The following NECAB1 variants were observed in gnomAD, a reference collection of about 807,000 sequenced individuals.
NECAB1 encodes the protein N-terminal EF-hand calcium binding protein 1, also known as N-terminal EF-hand calcium-binding protein 1.
Under a neutral mutation model 57.5 loss-of-function variants are expected in NECAB1, and 29 were observed. The ratio of observed to expected loss-of-function variants is 0.50; its 90% CI spans 0.38 to 0.69. The LOEUF is 0.69. Among genes scored for constraint, NECAB1 ranks in the 30% least tolerant of loss-of-function variants. The pLI, the probability that NECAB1 is intolerant of heterozygous loss-of-function variation, is 0.00. For missense variants in NECAB1, 372 were observed against 413.8 expected (o/e 0.90, Z 0.88); for synonymous variants, 142 against 147.7 (o/e 0.96, Z 0.28).
chr8:90,832,838 C>G (rs139400250), intron 3 of NECAB1, among the ~76,000 whole-genome samples: 1 of 152,116 alleles, frequency 6.6e-6, no homozygotes, highest in Non-Finnish European at 1.5e-5. Context: ...AACCCAAGCT[C>G]TTTCCATTGC....
intron 3 of NECAB1, among the ~76,000 whole-genome samples, chr8:90,839,258 A>T (rs1660516337): frequency 6.6e-6 from 1 of 152,344 alleles, no homozygotes; most frequent in East Asian, 1.9e-4. Context: ...AAGAGGATCC[A>T]GGAGATTAGG....
chr8:90,792,132 A>G (rs1811585988), intron 1 of NECAB1, 147 bp downstream of exon 1: 1 of 659,886 alleles, frequency 1.5e-6, no homozygotes, highest in African/African-American at 1.8e-5. Flanking sequence ...AGGAGGAACG[A>G]CTGTCCCTTA....
chr8:90,949,925 G>A (rs777466663), intron 11 of NECAB1, 41 bp downstream of exon 11: 6 of 1,250,510 alleles, frequency 4.8e-6, no homozygotes, highest in Middle Eastern at 1.9e-4. Context: ...AAGCCAGGAA[G>A]GTGGCAATAT....
intron 9 of NECAB1, among the ~76,000 whole-genome samples, chr8:90,938,294 A>G (rs1420413575): frequency 6.6e-6 from 1 of 152,218 alleles, no homozygotes; most frequent in Non-Finnish European, 1.5e-5. Flanking sequence ...TAAATGATAA[A>G]TGATATACTA....
chr8:90,935,975 T>C (rs959019293), intron 9 of NECAB1, among the ~76,000 whole-genome samples: 4 of 152,162 alleles, frequency 2.6e-5, no homozygotes, highest in Admixed American at 1.3e-4. Context: ...ATAGCAATTA[T>C]GCTCTTTGGG....
intron 5 of NECAB1, chr8:90,903,836 T>C (rs2740801): frequency 0.53 from 80,271 of 152,058 alleles, 24,740 homozygotes; most frequent in African/African-American, 0.83. Context: ...CAGTAGGAAG[T>C]GGCTTTAATT....
At chr8:90,915,986 C>T (rs1809941890) in intron 5 of NECAB1, among the ~76,000 whole-genome samples, 1 of 152,318 alleles carries the variant, frequency 6.6e-6, no homozygotes, top group Middle Eastern at 3.4e-3. Context: ...TTGGTACCCA[C>T]CCAGATTGAG....
At chr8:90,947,441 C>T (rs1470736856) in intron 10 of NECAB1, among the ~76,000 whole-genome samples, 3 of 149,842 alleles carry the variant, frequency 2.0e-5, no homozygotes, top group East Asian at 2.0e-4. Flanking sequence ...CGCTCTGTTG[C>T]CCAGGCTGGA....
chr8:90,902,224 A>G (rs1458923964), intron 5 of NECAB1, among the ~76,000 whole-genome samples: 2 of 152,198 alleles, frequency 1.3e-5, no homozygotes, highest in African/African-American at 4.8e-5. Context: ...GTTTGAGACC[A>G]GCCTGGACAA....
In NECAB1 at chr8:90,957,771, G is replaced by A. The variant is rs749804562; in HGVS notation, c.*2259G>A. ...TCCTAAAGTAAACAATAAGTTTATA[G>A]TTAACGAAGATTTTTTTCTATTTAA... On this transcript the variant is annotated 3_prime_UTR_variant, in exon 13 of 13. Coordinates refer to ENST00000417640, the MANE Select transcript of NECAB1 (RefSeq NM_022351.5). 6.7e-6 allele frequency: 1 copy of A among 149,558 alleles called. No individual in the cohort carries two copies. Among genetic ancestry groups the A allele is most frequent in the Non-Finnish European group, 1.5e-5 (1 of 67,294 alleles). The allele number at this position is 149,558 out of a possible 1,614,324, so 9.3% of individuals were successfully genotyped here.
chr8:90,885,649 T>C (rs376826049), intron 5 of NECAB1, among the ~76,000 whole-genome samples: 1 of 152,208 alleles, frequency 6.6e-6, no homozygotes, highest in East Asian at 1.9e-4. Flanking sequence ...AGTTGATTTA[T>C]CAATATCCTA....
intron 3 of NECAB1, among the ~76,000 whole-genome samples, chr8:90,840,623 T>C (rs1812438351): frequency 6.6e-6 from 1 of 152,148 alleles, no homozygotes; most frequent in South Asian, 2.1e-4. Flanking sequence ...GGCAAGAAAA[T>C]TGTAAAAACG....
At chr8:90,861,494 C>G (rs1348669876) in intron 3 of NECAB1, among the ~76,000 whole-genome samples, 1 of 152,106 alleles carries the variant, frequency 6.6e-6, no homozygotes, top group Non-Finnish European at 1.5e-5. Flanking sequence ...GCAACACCGT[C>G]CTCTCCTGAT....
intron 5 of NECAB1, among the ~76,000 whole-genome samples, chr8:90,887,736 G>A (rs1809041375): frequency 6.6e-6 from 1 of 152,194 alleles, no homozygotes; most frequent in South Asian, 2.1e-4. Flanking sequence ...CAGCTATGAA[G>A]CCTAGTTCCA....
intron 8 of NECAB1, among the ~76,000 whole-genome samples, chr8:90,933,075 T>C (rs1810448595): frequency 6.6e-6 from 1 of 152,120 alleles, no homozygotes; most frequent in Non-Finnish European, 1.5e-5. Context: ...AATTAAAAAA[T>C]AATAGATGTT....
intron 2 of NECAB1, among the ~76,000 whole-genome samples, chr8:90,802,421 A>G (rs1229073437): frequency 1.3e-5 from 2 of 152,218 alleles, no homozygotes; most frequent in Admixed American, 6.5e-5. Flanking sequence ...TTTGTCCCAG[A>G]GAACACCAAA....
At chr8:90,914,963 C>T (rs973408285) in intron 5 of NECAB1, among the ~76,000 whole-genome samples, 1 of 152,118 alleles carries the variant, frequency 6.6e-6, no homozygotes, top group Admixed American at 6.5e-5. Context: ...AAATGACTAA[C>T]TATAATTTTT....
intron 2 of NECAB1, among the ~76,000 whole-genome samples, chr8:90,819,655 A>C (rs1018731597): frequency 6.6e-6 from 1 of 151,880 alleles, no homozygotes; most frequent in African/African-American, 2.4e-5. Flanking sequence ...GGGGAAGCAG[A>C]CTTGATCTCT....
intron 2 of NECAB1, among the ~76,000 whole-genome samples, chr8:90,804,787 G>C (rs1313575709): frequency 2.6e-5 from 4 of 152,162 alleles, no homozygotes; most frequent in Non-Finnish European, 5.9e-5. Flanking sequence ...TTGGAGGGAA[G>C]CAGAGTCAGG....
Sources: allele counts gnomAD v4.1 joint callset (sites outside exome capture counted in the v4.1 genomes callset), GRCh38; gene constraint gnomAD v4.1.1; transcripts MANE v1.5; gene names NCBI Gene and HGNC (gene_info 2026-07-23, HGNC 2026-07-21).